Variants in METTL16 observed in about 807,000 individuals in gnomAD.
The protein encoded by METTL16 is methyltransferase 16, RNA N6-adenosine.
METTL16 carries 19 observed loss-of-function variants against 57.9 expected under a neutral mutation model. The observed-to-expected ratio is 0.33, with a 90% CI of 0.23 to 0.48. METTL16 has a LOEUF of 0.48. METTL16 is among the 20% of genes least tolerant of loss of function. The probability of loss-of-function intolerance (pLI) is 0.99; values close to 1 mark genes in which losing one functional copy is unlikely to be tolerated. For missense variants in METTL16, 434 were observed against 691.5 expected (o/e 0.63, Z 4.18); for synonymous variants, 246 against 255.6 (o/e 0.96, Z 0.36).
chr17:2,439,348 G>T (rs986136767), intron 7 of METTL16, among the ~76,000 whole-genome samples: 1 of 152,106 alleles, frequency 6.6e-6, no homozygotes, highest in Non-Finnish European at 1.5e-5. Flanking sequence ...CTAGGTTCAA[G>T]CAATCTGCCC....
intron 8 of METTL16, among the ~76,000 whole-genome samples, chr17:2,427,949 A>AC (rs1367554382): frequency 2.7e-5 from 2 of 72,746 alleles, no homozygotes; most frequent in African/African-American, 6.1e-5. Flanking sequence ...CTCCATCTTT[A>AC]CCCAAAAAAA....
intron 1 of METTL16, among the ~76,000 whole-genome samples, chr17:2,509,777 G>T (rs1051937485): frequency 3.3e-5 from 5 of 152,244 alleles, no homozygotes; most frequent in African/African-American, 9.6e-5. Context: ...GCTGGGTGTG[G>T]TGGCATGTGC....
chr17:2,417,959 A>G lies in METTL16; in HGVS notation c.*2011T>C, dbSNP rs5015342. ...TGGGCCCAGCAAATGACTCAAATGT[A>G]ATATTCACTCGAGGTAAGGACAGTG... On this transcript the variant is annotated 3_prime_UTR_variant, in exon 10 of 10. Transcript: ENST00000263092. 0.42 allele frequency: 63,213 copies of G among 151,964 alleles called. 16,761 individuals are homozygous for G. The highest frequency in any genetic ancestry group is 0.76 in the African/African-American group (31,351 of 41,424). The allele number at this position is 151,964 out of a possible 1,614,324, so 9.4% of individuals were successfully genotyped here.
chr17:2,498,521 T>C (rs917590933), intron 2 of METTL16, among the ~76,000 whole-genome samples: 2 of 151,486 alleles, frequency 1.3e-5, no homozygotes, highest in African/African-American at 4.9e-5. Flanking sequence ...GCAGATCACT[T>C]GAAGTCAGGA....
At chr17:2,466,193 C>CAAAAAAA (rs35300433) in intron 5 of METTL16, among the ~76,000 whole-genome samples, 2 of 103,900 alleles carry the variant, frequency 1.9e-5, no homozygotes, top group Non-Finnish European at 2.2e-5. Flanking sequence ...GACTCTGTCA[C>CAAAAAAA]AAAAAAAAAA....
intron 1 of METTL16, among the ~76,000 whole-genome samples, chr17:2,510,950 C>G (rs1405588731): frequency 6.6e-6 from 1 of 152,070 alleles, no homozygotes; most frequent in African/African-American, 2.4e-5. Flanking sequence ...AAAAATCTCC[C>G]GTCAGTAAGT....
intron 4 of METTL16, among the ~76,000 whole-genome samples, chr17:2,472,085 G>C (rs979343746): frequency 2.0e-5 from 3 of 151,160 alleles, no homozygotes; most frequent in Non-Finnish European, 4.4e-5. Context: ...TTGCATTCCA[G>C]CCTGGGGAAC....
chr17:2,502,432 A>G (rs1290130446), intron 1 of METTL16, 101 bp from the exon 2 acceptor site: 5 of 1,110,508 alleles, frequency 4.5e-6, no homozygotes, highest in African/African-American at 1.6e-5. Context: ...GTACTTTGGG[A>G]GGCCAAGGTA....
chr17:2,504,772 T>C (rs1040693646), intron 1 of METTL16, among the ~76,000 whole-genome samples: 5 of 152,116 alleles, frequency 3.3e-5, no homozygotes, highest in Non-Finnish European at 5.9e-5. Flanking sequence ...GGGTCTCCCT[T>C]TGTTGCCCAG....
intron 2 of METTL16, among the ~76,000 whole-genome samples, chr17:2,487,044 G>T (rs1299378395): frequency 1.4e-5 from 2 of 143,840 alleles, no homozygotes; most frequent in Non-Finnish European, 3.0e-5. Context: ...TCTAGATAAA[G>T]GTAGCAATGG....
At chr17:2,498,077 C>G (rs954037476) in intron 2 of METTL16, among the ~76,000 whole-genome samples, 2 of 151,556 alleles carry the variant, frequency 1.3e-5, no homozygotes, top group Admixed American at 1.3e-4. Context: ...ACCTGTAGTC[C>G]CAGCTACTCA....
At chr17:2,464,145 T>C in intron 6 of METTL16, 63 bp downstream of exon 6, 2 of 1,530,566 alleles carry the variant, frequency 1.3e-6, no homozygotes, top group Non-Finnish European at 1.8e-6. Flanking sequence ...AAAAGAGAAC[T>C]ACATAGCGGG....
At chr17:2,474,117 G>A (rs548050585) in intron 3 of METTL16, among the ~76,000 whole-genome samples, 5 of 152,020 alleles carry the variant, frequency 3.3e-5, no homozygotes, top group Non-Finnish European at 7.4e-5. Flanking sequence ...AGCAGAGGTC[G>A]AGGAATACAT....
rs1491464173 is a variant in METTL16 at position 2,422,349 on chromosome 17, AAC to A, written c.889-1447_889-1446del. Among the ~76,000 whole-genome samples the A allele has an allele frequency of 1.6e-3, 246 of 151,122 alleles. 3 individuals are homozygous for A. Among genetic ancestry groups the A allele is most frequent in the African/African-American group, 5.3e-3 (219 of 41,006 alleles). Reference sequence around the variant, plus strand: ...AAACTCCGTTTTAGAAAAAAAAAAAAACAAAACCAATGCCACCACTGTATTGA... The same window carrying A: ...AAACTCCGTTTTAGAAAAAAAAAAAAAAAACCAATGCCACCACTGTATTGA... On this transcript the variant is annotated intron_variant, in intron 8 of 9. Transcript: ENST00000263092.
intron 2 of METTL16, among the ~76,000 whole-genome samples, chr17:2,500,755 C>G (rs1244862842): frequency 6.6e-6 from 1 of 152,154 alleles, no homozygotes; most frequent in South Asian, 2.1e-4. Context: ...AAAGACACAT[C>G]AGTCATTCCC....
At position 2,428,592 on chromosome 17, in the gene METTL16, TATATATATA is replaced by T. The variant is rs2066842973; in HGVS notation, c.889-7697_889-7689del. On this transcript the variant is annotated intron_variant, in intron 8 of 9. Transcript: ENST00000263092. ...ATATATATATATATATATATATATATATATATATATAAATTGTAATACAGCGGGGCACAG... is the reference window on the plus strand; with the variant it reads ...ATATATATATATATATATATATATATTAAATTGTAATACAGCGGGGCACAG... 4.3e-5 allele frequency among the ~76,000 whole-genome samples: 2 copies of T among 46,732 alleles called. 1 individual carries two copies. Among genetic ancestry groups the T allele is most frequent in the Non-Finnish European group, 6.6e-5 (2 of 30,334 alleles). The allele number at this position is 46,732 out of a possible 152,430, so 30.7% of individuals were successfully genotyped here. A position where few individuals can be genotyped will look rare whatever the true frequency, so the allele number is the denominator to read the frequency against.
chr17:2,467,922 G>T, intron 4 of METTL16, 46 bp from the exon 5 acceptor site: 1 of 1,348,290 alleles, frequency 7.4e-7, no homozygotes, highest in Non-Finnish European at 1.1e-6. Flanking sequence ...TGTTGCAGTG[G>T]TTCTAAAGTA....
At chr17:2,439,781 T>A (rs1362129818) in intron 7 of METTL16, among the ~76,000 whole-genome samples, 2 of 152,164 alleles carry the variant, frequency 1.3e-5, no homozygotes, top group Non-Finnish European at 2.9e-5. Context: ...CTTGTTTTAA[T>A]AATCTATAAA....
intron 2 of METTL16, among the ~76,000 whole-genome samples, chr17:2,497,977 G>A (rs867392852): frequency 3.3e-5 from 5 of 151,088 alleles, no homozygotes; most frequent in Admixed American, 1.3e-4. Context: ...GGCAGATCAC[G>A]AGGTCAGGAG....
Sources: gnomAD v4.1 joint callset for allele counts (sites outside exome capture counted in the v4.1 genomes callset) on GRCh38, gnomAD v4.1.1 for gene constraint, MANE v1.5 for transcripts, NCBI Gene and HGNC (gene_info 2026-07-23, HGNC 2026-07-21) for gene names.